Variants in TCF12 observed in about 807,000 individuals in gnomAD.
The protein encoded by TCF12 is DNA-binding protein HTF4.
TCF12 carries 45 observed loss-of-function variants against 86.0 expected under a neutral mutation model. The ratio of observed to expected loss-of-function variants is 0.52; its 90% CI spans 0.41 to 0.67. The LOEUF (loss-of-function observed/expected upper bound fraction) is 0.67. TCF12 is among the 30% of genes least tolerant of loss of function. TCF12 has a pLI of 0.00. For missense variants in TCF12, 881 were observed against 859.9 expected, an observed-to-expected ratio of 1.02 and a Z score of -0.31; for synonymous variants, 330 against 299.6, an observed-to-expected ratio of 1.10 and a Z score of -1.05.
Position 57,288,544 on chromosome 15 carries a change from C to T in TCF12, c.*2399C>T, listed in dbSNP as rs1454766462. The T allele has an allele frequency of 6.6e-6, 1 of 152,500 alleles. No individual in the cohort carries two copies. Among genetic ancestry groups the T allele is most frequent in the Admixed American group, 6.5e-5 (1 of 15,276 alleles). 9.4% of individuals were successfully genotyped at this position (152,500 alleles called of 1,614,324 possible). A position where few individuals can be genotyped will look rare whatever the true frequency, so the allele number is the denominator to read the frequency against. ...TAGTGAGTTTTTTACATTTCTCTTT[C>T]TCAAATAATAATGTATTTTGTTTTA... On this transcript the variant is annotated 3_prime_UTR_variant, in exon 21 of 21. Transcript: ENST00000333725.
At chr15:56,919,824 C>T (rs1305652367) in intron 1 of TCF12, 68 bp from the exon 2 acceptor site, 2 of 1,410,932 alleles carry the variant, frequency 1.4e-6, no homozygotes, top group African/African-American at 2.8e-5. Context: ...TCCCCAGTAC[C>T]TCTCTCTGTT....
chr15:56,958,892 G>C (rs1443215594), intron 3 of TCF12, among the ~76,000 whole-genome samples: 6 of 151,974 alleles, frequency 3.9e-5, no homozygotes. Flanking sequence ...AATAAATTCA[G>C]CTTTTAATTT....
At position 57,273,076 on chromosome 15, in the gene TCF12, A is replaced by G. The variant is rs1264013253; in HGVS notation, c.1792A>G (p.Arg598Gly). Residue 598 changes from arginine to glycine, a missense_variant, in exon 19 of 21, where the codon AGG (arginine) becomes GGG (glycine). Arg to Gly is a moderately radical substitution (Grantham distance 125). Coordinates refer to ENST00000333725, the MANE Select transcript of TCF12 (RefSeq NM_207037.2). Reference protein sequence around the residue: ...EDLNPEQKIEREKERRMANNA... With the variant: ...EDLNPEQKIEGEKERRMANNA... ...TTTGAACCCTGAACAGAAGATAGAA[A>G]GGGAGAAGGAGAGGCGGATGGCTAA... 1 of 1,614,234 alleles carries G rather than the reference A, an allele frequency of 6.2e-7. No homozygotes were observed. Among genetic ancestry groups the G allele is most frequent in the Non-Finnish European group, 8.5e-7 (1 of 1,180,018 alleles).
At chr15:57,130,386 T>G (rs541609309) in intron 5 of TCF12, among the ~76,000 whole-genome samples, 2 of 152,338 alleles carry the variant, frequency 1.3e-5, no homozygotes, top group Non-Finnish European at 2.9e-5. Flanking sequence ...ATCTGTAAAT[T>G]ACGTGCATAC....
At chr15:57,041,307 C>T (rs2066882200) in intron 3 of TCF12, among the ~76,000 whole-genome samples, 1 of 152,158 alleles carries the variant, frequency 6.6e-6, no homozygotes, top group Non-Finnish European at 1.5e-5. Flanking sequence ...ATGTTAATCT[C>T]ATGATGAATC....
intron 7 of TCF12, 89 bp from the exon 8 acceptor site, chr15:57,197,684 C>T (rs1597244539): frequency 2.9e-5 from 43 of 1,458,416 alleles, no homozygotes; most frequent in South Asian, 2.1e-4. Context: ...ACAAGAAAGA[C>T]GCTAGGGGAA....
chr15:57,100,140 G>A (rs2049622988), intron 5 of TCF12, among the ~76,000 whole-genome samples: 1 of 152,142 alleles, frequency 6.6e-6, no homozygotes, highest in Admixed American at 6.6e-5. Context: ...TTTGTGTCTA[G>A]TTCTAACCAA....
intron 3 of TCF12, among the ~76,000 whole-genome samples, chr15:56,967,875 G>C (rs2062080982): frequency 6.6e-6 from 1 of 151,914 alleles, no homozygotes; most frequent in East Asian, 1.9e-4. Flanking sequence ...TTTTTTTTAA[G>C]CGAGTTAAGT....
chr15:57,286,569 G>A lies in TCF12; in HGVS notation c.*424G>A. ...TAAAGGGAAAAAGTTAATGTGGAAA[G>A]CTGATCTACACTCAGCTGATGCCAG... On this transcript the variant is annotated 3_prime_UTR_variant, in exon 21 of 21. Coordinates refer to ENST00000333725, the MANE Select transcript of TCF12 (RefSeq NM_207037.2). 1 of 440,968 alleles carries A rather than the reference G, an allele frequency of 2.3e-6. No individual in the cohort carries two copies. Among genetic ancestry groups the A allele is most frequent in the East Asian group, 7.1e-5 (1 of 14,052 alleles). The allele number at this position is 440,968 out of a possible 1,614,324, so 27.3% of individuals were successfully genotyped here.
At chr15:57,152,993 C>G (rs1251050205) in intron 5 of TCF12, among the ~76,000 whole-genome samples, 2 of 152,132 alleles carry the variant, frequency 1.3e-5, no homozygotes, top group Admixed American at 6.5e-5. Flanking sequence ...TAAACTACAG[C>G]AGACTTCTCT....
rs796085262 is a variant in TCF12 at position 57,279,837 on chromosome 15, C to T, written c.1979-2608C>T. Among the ~76,000 whole-genome samples the T allele has an allele frequency of 1.2e-4, 18 of 150,350 alleles. 1 individual carries two copies. Among genetic ancestry groups the T allele is most frequent in the African/African-American group, 4.4e-4 (18 of 40,776 alleles). On this transcript the variant is annotated intron_variant, in intron 19 of 20. Coordinates refer to ENST00000333725, the MANE Select transcript of TCF12 (RefSeq NM_207037.2). ...TTTACATGCTAATCCATGCCATCTTCTCAGTCTCTCGGGTCATTATATGAG... is the reference window on the plus strand; with the variant it reads ...TTTACATGCTAATCCATGCCATCTTTTCAGTCTCTCGGGTCATTATATGAG...
intron 8 of TCF12, among the ~76,000 whole-genome samples, chr15:57,209,362 A>T (rs539820620): frequency 6.6e-6 from 1 of 152,356 alleles, no homozygotes; most frequent in South Asian, 2.1e-4. Flanking sequence ...TAATTCAGCC[A>T]TCAGCATTAA....
intron 3 of TCF12, among the ~76,000 whole-genome samples, chr15:56,930,623 C>G (rs1300863858): frequency 6.6e-6 from 1 of 152,100 alleles, no homozygotes; most frequent in Non-Finnish European, 1.5e-5. Flanking sequence ...ATGATTGTAA[C>G]TTTCCAATTA....
chr15:56,950,945 G>T (rs1183765347), intron 3 of TCF12, among the ~76,000 whole-genome samples: 2 of 151,228 alleles, frequency 1.3e-5, no homozygotes, highest in Admixed American at 1.3e-4. Flanking sequence ...TAGTAGAGAT[G>T]GGGTTTCTCT....
At chr15:57,256,131 A>C (rs1478233818) in intron 16 of TCF12, among the ~76,000 whole-genome samples, 1 of 152,244 alleles carries the variant, frequency 6.6e-6, no homozygotes, top group Admixed American at 6.5e-5. Context: ...GTCAGTATTC[A>C]TCTCCTGTCC....
chr15:57,052,202 C>T (rs2067679794), intron 3 of TCF12, among the ~76,000 whole-genome samples: 1 of 152,090 alleles, frequency 6.6e-6, no homozygotes, highest in African/African-American at 2.4e-5. Context: ...GAACAGTGTG[C>T]TAATATCAGG....
At chr15:56,960,950 G>A (rs2061721494) in intron 3 of TCF12, among the ~76,000 whole-genome samples, 1 of 150,418 alleles carries the variant, frequency 6.6e-6, no homozygotes, top group Non-Finnish European at 1.5e-5. Context: ...GACCAGCCTG[G>A]CCAACCTGGT....
At chr15:57,258,947 C>T (rs1367108485) in intron 16 of TCF12, among the ~76,000 whole-genome samples, 1 of 152,022 alleles carries the variant, frequency 6.6e-6, no homozygotes, top group African/African-American at 2.4e-5. Context: ...TCCATTTGGA[C>T]AGTATTTAAT....
chr15:56,992,544 T>A (rs935874356), intron 3 of TCF12, among the ~76,000 whole-genome samples: 49 of 152,356 alleles, frequency 3.2e-4, no homozygotes, highest in African/African-American at 1.1e-3. Flanking sequence ...TAATCACCTG[T>A]AAATGGATCA....
Sources: gnomAD v4.1 joint callset for allele counts (sites outside exome capture counted in the v4.1 genomes callset) on GRCh38, gnomAD v4.1.1 for gene constraint, MANE v1.5 for transcripts, NCBI Gene and HGNC (gene_info 2026-07-23, HGNC 2026-07-21) for gene names.